Variants in NTAQ1 observed in about 807,000 individuals in gnomAD.
The protein encoded by NTAQ1 is N-terminal glutamine amidase 1.
A neutral mutation model predicts 28.2 loss-of-function variants in NTAQ1; 21 were observed. That is an observed-to-expected ratio of 0.74 (90% CI 0.53 to 1.07). NTAQ1 has a LOEUF of 1.07. Ranked by LOEUF, NTAQ1 falls within the 50% of genes least tolerant of loss-of-function variation. The pLI is 0.00. For synonymous variants in NTAQ1, 105 were observed against 90.0 expected, an observed-to-expected ratio of 1.17 and a Z score of -0.94; for missense variants, 264 against 256.6, an observed-to-expected ratio of 1.03 and a Z score of -0.20.
chr8:123,464,062 A>G (rs1407087467), intron 6 of NTAQ1, among the ~76,000 whole-genome samples: 1 of 152,036 alleles, frequency 6.6e-6, no homozygotes, highest in Non-Finnish European at 1.5e-5. Flanking sequence ...TTCACCTTCC[A>G]CCATGATTGT....
At chr8:123,443,450 G>A (rs1171027662), downstream of NTAQ1, among the ~76,000 whole-genome samples, 1 of 152,254 alleles carries the variant, frequency 6.6e-6, no homozygotes, top group African/African-American at 2.4e-5. Context: ...CTTCAATAAA[G>A]CTGTTTTCTT....
downstream of NTAQ1, among the ~76,000 whole-genome samples, chr8:123,470,952 A>G (rs1440228798): frequency 2.7e-5 from 4 of 148,160 alleles, no homozygotes; most frequent in African/African-American, 1.0e-4. Flanking sequence ...ACAGGATAGC[A>G]CGCTGTTGCT....
At chr8:123,419,080 G>A (rs1813495610) in intron 1 of NTAQ1, among the ~76,000 whole-genome samples, 1 of 118,356 alleles carries the variant, frequency 8.4e-6, no homozygotes, top group Non-Finnish European at 1.7e-5. Context: ...CAGCTTTGGG[G>A]GTTTTTTTTT....
chr8:123,443,308 C>T (rs138608095), downstream of NTAQ1, among the ~76,000 whole-genome samples: 999 of 152,314 alleles, frequency 6.6e-3, 6 homozygotes, highest in Non-Finnish European at 9.6e-3. Flanking sequence ...GCATGAGCCA[C>T]CGCACCCGGC....
chr8:123,448,506 G>A (rs1260354425), downstream of NTAQ1, among the ~76,000 whole-genome samples: 2 of 152,156 alleles, frequency 1.3e-5, no homozygotes, highest in East Asian at 1.9e-4. Context: ...CCAGTTACTC[G>A]GGAGGCTTGA....
intron 6 of NTAQ1, among the ~76,000 whole-genome samples, chr8:123,455,761 TC>T (rs1815632309): frequency 2.0e-5 from 3 of 152,098 alleles, no homozygotes; most frequent in Non-Finnish European, 2.9e-5. Flanking sequence ...CACTCCCACT[TC>T]CCCACCCGGA....
At chr8:123,451,550 T>A (rs62519253), downstream of NTAQ1, among the ~76,000 whole-genome samples, 3 of 152,112 alleles carry the variant, frequency 2.0e-5, no homozygotes, top group Non-Finnish European at 4.4e-5. Flanking sequence ...TGTTGGCCAG[T>A]CTGGTCTCGA....
chr8:123,435,939 G>A (rs575392701), intron 3 of NTAQ1, among the ~76,000 whole-genome samples: 8 of 151,822 alleles, frequency 5.3e-5, no homozygotes, highest in Non-Finnish European at 8.8e-5. Context: ...AGACTGAGGC[G>A]GGTGGATCGC....
downstream of NTAQ1, among the ~76,000 whole-genome samples, chr8:123,449,426 A>T (rs11987352): frequency 0.36 from 54,844 of 151,694 alleles, 9,984 homozygotes; most frequent in East Asian, 0.56. Flanking sequence ...TATTTAAAAG[A>T]GCTGGAGGGC....
chr8:123,423,259 CCTTT>C (rs1203711618), intron 1 of NTAQ1, among the ~76,000 whole-genome samples: 2 of 145,098 alleles, frequency 1.4e-5, no homozygotes, highest in South Asian at 2.2e-4. Flanking sequence ...CTCCTTCCCT[CCTTT>C]CTTTCTGTCT....
rs1025114677 is a variant in NTAQ1 at position 123,428,039 on chromosome 8, A to G, written c.183+16A>G. On this transcript the variant is annotated intron_variant, in intron 2 of 5. Coordinates refer to ENST00000287387, the MANE Select transcript of NTAQ1 (RefSeq NM_018024.3). The stretch of plus-strand genomic sequence containing the variant: ...GAGGAAGATGGTAAGTTGGTGAGTG[A>G]TTGCAGAAAGAAAACAAGAGATTTA... The G allele has an allele frequency of 6.5e-6, 10 of 1,546,616 alleles. No homozygotes were observed. The highest frequency in any genetic ancestry group is 7.9e-6 in the Non-Finnish European group (9 of 1,140,756).
At chr8:123,462,988 C>T (rs1308909284) in intron 6 of NTAQ1, among the ~76,000 whole-genome samples, 1 of 152,202 alleles carries the variant, frequency 6.6e-6, no homozygotes, top group Non-Finnish European at 1.5e-5. Context: ...TTAATGAATG[C>T]ATTCTGCTCT....
chr8:123,448,857 G>C (rs1321562756), downstream of NTAQ1, among the ~76,000 whole-genome samples: 1 of 152,214 alleles, frequency 6.6e-6, no homozygotes, highest in East Asian at 1.9e-4. Context: ...CCGTGGGCTA[G>C]AGGTCCTCAA....
chr8:123,424,328 C>T (rs915519333), intron 1 of NTAQ1, among the ~76,000 whole-genome samples: 11 of 151,440 alleles, frequency 7.3e-5, no homozygotes, highest in Admixed American at 2.0e-4. Context: ...CTGCAACCGC[C>T]GCCTCCCAGG....
chr8:123,419,142 A>G (rs1363820715), intron 1 of NTAQ1, among the ~76,000 whole-genome samples: 2 of 127,694 alleles, frequency 1.6e-5, no homozygotes. Flanking sequence ...TCTGTTGCCC[A>G]GGCTGGAGTG....
At chr8:123,434,658 T>A (rs1489553816) in intron 3 of NTAQ1, among the ~76,000 whole-genome samples, 1 of 151,876 alleles carries the variant, frequency 6.6e-6, no homozygotes, top group Non-Finnish European at 1.5e-5. Flanking sequence ...GTAATATGAA[T>A]TAGAAGATGT....
At chr8:123,450,629 C>T (rs368471900), downstream of NTAQ1, among the ~76,000 whole-genome samples, 35 of 152,272 alleles carry the variant, frequency 2.3e-4, no homozygotes, top group East Asian at 4.1e-3. Flanking sequence ...CTCTGTAGGA[C>T]GCTCCCTTTG....
Position 123,427,970 on chromosome 8 carries a change from C to T in NTAQ1, c.130C>T (p.Gln44Ter), listed in dbSNP as rs1349645309. 4 of 1,610,834 alleles carry T rather than the reference C, an allele frequency of 2.5e-6. No individual in the cohort carries two copies. The highest frequency in any genetic ancestry group is 3.4e-6 in the Non-Finnish European group (4 of 1,178,922). ...CTGTGAATACATCAAAAACCATGAC[C>T]AGTATCCTTTAGAAGAATGTTATGC... is the stretch of plus-strand genomic sequence containing the variant. ...KLCEYIKNHD[Q>*]YPLEECYAVF... The change falls in exon 2 of 6, where the codon CAG becomes TAG. Residue 44 changes from glutamine to a stop codon, truncating the protein, a stop_gained. Coordinates refer to ENST00000287387, the MANE Select transcript of NTAQ1 (RefSeq NM_018024.3). LOFTEE classifies it high-confidence loss of function.
chr8:123,449,586 C>G (rs1420225530), downstream of NTAQ1, among the ~76,000 whole-genome samples: 1 of 151,990 alleles, frequency 6.6e-6, no homozygotes, highest in Non-Finnish European at 1.5e-5. Context: ...ATATTACATT[C>G]TTGTGGAGAA....
Sources: allele counts gnomAD v4.1 joint callset (sites outside exome capture counted in the v4.1 genomes callset), GRCh38; gene constraint gnomAD v4.1.1; transcripts MANE v1.5; gene names NCBI Gene and HGNC (gene_info 2026-07-23, HGNC 2026-07-21).